Variants in DTNB observed in about 807,000 individuals in gnomAD.
DTNB encodes DTN-B.
In DTNB, 63 loss-of-function variants were observed where a neutral mutation model predicts 90.7. That is an observed-to-expected ratio of 0.69 (90% confidence interval 0.57 to 0.86). DTNB has a LOEUF of 0.86. Ranked by LOEUF, DTNB falls within the 40% of genes least tolerant of loss-of-function variation. The pLI is 0.00. For missense variants in DTNB, 744 were observed against 807.1 expected (o/e 0.92, Z 0.95); for synonymous variants, 277 against 286.7 (o/e 0.97, Z 0.34).
At chr2:25,637,025 G>C (rs911957514) in intron 3 of DTNB, among the ~76,000 whole-genome samples, 1 of 151,852 alleles carries the variant, frequency 6.6e-6, no homozygotes, top group Non-Finnish European at 1.5e-5. Context: ...GCAAAACCAG[G>C]TCTAACAGAG....
chr2:25,526,393 A>ATTT (rs1417545308), intron 9 of DTNB, among the ~76,000 whole-genome samples: 17 of 59,426 alleles, frequency 2.9e-4, no homozygotes, highest in South Asian at 1.7e-3. Flanking sequence ...ATATATATAT[A>ATTT]TATTTTTTTT....
chr2:25,544,311 G>A (rs1323507365), intron 8 of DTNB, among the ~76,000 whole-genome samples: 8 of 152,180 alleles, frequency 5.3e-5, no homozygotes, highest in African/African-American at 1.7e-4. Flanking sequence ...CAGGCACTGC[G>A]ATACTCTGCA....
chr2:25,644,611 G>C (rs2079040893), intron 2 of DTNB, among the ~76,000 whole-genome samples: 1 of 152,042 alleles, frequency 6.6e-6, no homozygotes, highest in East Asian at 1.9e-4. Flanking sequence ...AAATTAGCTG[G>C]GCATGGTGGT....
At chr2:25,657,203 C>A (rs1416262740) in intron 1 of DTNB, among the ~76,000 whole-genome samples, 1 of 151,700 alleles carries the variant, frequency 6.6e-6, no homozygotes, top group Non-Finnish European at 1.5e-5. Context: ...AGGGTTGAAA[C>A]TGAAAGTTCC....
At position 25,629,098 on chromosome 2, in the gene DTNB, G is replaced by A. The variant is rs1190869918; in HGVS notation, c.149-714C>T. On this transcript the variant is annotated intron_variant, in intron 3 of 20. Transcript: ENST00000406818. Reference sequence around the variant, plus strand: ...ACAATACTCAACTACACAGAAAAGAGACATTTCCTTGAAAGAAAAATAATT... The same window carrying A: ...ACAATACTCAACTACACAGAAAAGAAACATTTCCTTGAAAGAAAAATAATT... 3.3e-5 allele frequency among the ~76,000 whole-genome samples: 5 copies of A among 152,102 alleles called. No individual in the cohort carries two copies. In the East Asian group the frequency reaches 7.7e-4, roughly 23 times the overall value.
At chr2:25,436,758 G>A (rs1479868914) in intron 12 of DTNB, among the ~76,000 whole-genome samples, 1 of 152,162 alleles carries the variant, frequency 6.6e-6, no homozygotes, top group Non-Finnish European at 1.5e-5. Context: ...CAGAAAAGTA[G>A]CTTGCTTGAG....
chr2:25,556,288 A>G lies in DTNB; in HGVS notation c.876+20550T>C, dbSNP rs2057351712. On this transcript the variant is annotated intron_variant, in intron 8 of 20. Coordinates refer to ENST00000406818, the MANE Select transcript of DTNB (RefSeq NM_021907.5). ...GTGTTTTTTCTGGGAGAATTCCTAT[A>G]TGAGGAACTGTTAGGTCAAAGGTTA... Among the ~76,000 whole-genome samples the G allele has an allele frequency of 2.0e-5, 3 of 148,814 alleles. No individual in the cohort carries two copies. The South Asian group carries it at 6.3e-4, about 31-fold the overall frequency.
At chr2:25,590,306 G>A (rs1240203371) in intron 6 of DTNB, among the ~76,000 whole-genome samples, 1 of 152,176 alleles carries the variant, frequency 6.6e-6, no homozygotes, top group Non-Finnish European at 1.5e-5. Context: ...CATTTTTTGG[G>A]TCCCGAGTTC....
rs112404089 is a variant in DTNB at position 25,655,144 on chromosome 2, A to C, written c.-1-2483T>G. Reference sequence around the variant, plus strand: ...CTGAAGACAGACTGTGCTAAAAATTAGACCCAAGTTTCGACTGTGAAAGCA... The same window carrying C: ...CTGAAGACAGACTGTGCTAAAAATTCGACCCAAGTTTCGACTGTGAAAGCA... On this transcript the variant is annotated intron_variant, in intron 1 of 20. Transcript: ENST00000406818. Among the ~76,000 whole-genome samples the C allele has an allele frequency of 3.0e-3, 450 of 152,362 alleles. 2 individuals carry two copies. The highest frequency in any genetic ancestry group is 0.01 in the African/African-American group (428 of 41,586).
In DTNB at chr2:25,584,247, C is replaced by T. The variant is rs562024972; in HGVS notation, c.604-3421G>A. ...GTTTTCCAGAGACAATGTGACGAAG[C>T]CACAATTATCTAAAAAGGCTACTAA... On this transcript the variant is annotated intron_variant, in intron 6 of 20. Coordinates refer to ENST00000406818, the MANE Select transcript of DTNB (RefSeq NM_021907.5). 7.2e-5 allele frequency among the ~76,000 whole-genome samples: 11 copies of T among 152,226 alleles called. No homozygotes were observed. In the South Asian group the frequency reaches 2.3e-3, roughly 31 times the overall value.
At chr2:25,665,294 C>A (rs1216792163) in intron 1 of DTNB, among the ~76,000 whole-genome samples, 1 of 152,212 alleles carries the variant, frequency 6.6e-6, no homozygotes, top group Admixed American at 6.5e-5. Flanking sequence ...CTCCCACCAT[C>A]TCCCTGTCAG....
At chr2:25,589,855 G>C (rs929045450) in intron 6 of DTNB, among the ~76,000 whole-genome samples, 2 of 152,178 alleles carry the variant, frequency 1.3e-5, no homozygotes, top group Admixed American at 1.3e-4. Context: ...CACTCGGCCT[G>C]GCAGGCTGCA....
Position 25,458,973 on chromosome 2 carries a change from G to C in DTNB, c.1080-3479C>G, listed in dbSNP as rs142955598. Among the ~76,000 whole-genome samples the C allele has an allele frequency of 5.4e-3, 820 of 151,496 alleles. 10 individuals carry two copies. Among genetic ancestry groups the C allele is most frequent in the African/African-American group, 0.019 (790 of 41,420 alleles). On this transcript the variant is annotated intron_variant, in intron 10 of 20. Transcript: ENST00000406818. The stretch of plus-strand genomic sequence containing the variant: ...ATTTTTAAATCTTTTGTAGAGACAG[G>C]GTCTCACTTTGTTGCCCAGGCTGTT...
At chr2:25,510,513 CT>C (rs913768253) in intron 9 of DTNB, among the ~76,000 whole-genome samples, 316 of 143,670 alleles carry the variant, frequency 2.2e-3, no homozygotes, top group African/African-American at 3.4e-3. Context: ...CTTTCTTCTT[CT>C]TTTTTTTTTT....
intron 4 of DTNB, among the ~76,000 whole-genome samples, chr2:25,620,911 C>T (rs1448524930): frequency 6.6e-6 from 1 of 152,196 alleles, no homozygotes; most frequent in Non-Finnish European, 1.5e-5. Context: ...CCAACAGTCC[C>T]AGCCACTCCG....
At chr2:25,638,442 C>A (rs967822301) in intron 3 of DTNB, among the ~76,000 whole-genome samples, 1 of 152,218 alleles carries the variant, frequency 6.6e-6, no homozygotes, top group African/African-American at 2.4e-5. Flanking sequence ...ACTTTTTCCA[C>A]TGATACACAC....
chr2:25,520,491 T>C lies in DTNB; in HGVS notation c.1001+10982A>G, dbSNP rs931489277. 3.9e-5 allele frequency among the ~76,000 whole-genome samples: 6 copies of C among 152,212 alleles called. No homozygotes were observed. The South Asian group carries it at 8.3e-4, about 21-fold the overall frequency. On this transcript the variant is annotated intron_variant, in intron 9 of 20. Transcript: ENST00000406818. ...GACTCATCCATCATTTTAAAAGAAG[T>C]GTCACAAAAATGTGCTTTAATAATT...
At chr2:25,647,611 A>C (rs553928288) in intron 2 of DTNB, among the ~76,000 whole-genome samples, 135 of 152,310 alleles carry the variant, frequency 8.9e-4, no homozygotes, top group African/African-American at 3.2e-3. Context: ...GCGGTGGCCC[A>C]CGCTTGTAAT....
intron 6 of DTNB, among the ~76,000 whole-genome samples, chr2:25,589,333 C>CCAT (rs1320683144): frequency 6.7e-6 from 1 of 149,292 alleles, no homozygotes; most frequent in African/African-American, 2.5e-5. Context: ...CCCTTTCTCT[C>CCAT]CATTCTTTGC....
Sources: gnomAD v4.1 joint callset for allele counts (sites outside exome capture counted in the v4.1 genomes callset) on GRCh38, gnomAD v4.1.1 for gene constraint, MANE v1.5 for transcripts, NCBI Gene and HGNC (gene_info 2026-07-23, HGNC 2026-07-21) for gene names.